The following USP30 variants were observed in gnomAD, a reference collection of about 807,000 sequenced individuals.
The protein encoded by USP30 is ubiquitin carboxyl-terminal hydrolase 30.
Under a neutral mutation model 68.2 loss-of-function variants are expected in USP30, and 41 were observed. The ratio of observed to expected loss-of-function variants is 0.60; its 90% CI spans 0.47 to 0.78. The LOEUF is 0.78. USP30 is among the 30% of genes least tolerant of loss of function. The probability of loss-of-function intolerance (pLI) is 0.00; values close to 1 mark genes in which losing one functional copy is unlikely to be tolerated. For synonymous variants in USP30, 229 were observed against 253.7 expected (o/e 0.90, Z 0.93); for missense variants, 522 against 649.4 (o/e 0.80, Z 2.13).
intron 3 of USP30, among the ~76,000 whole-genome samples, chr12:109,061,475 C>T (rs1024343583): frequency 1.3e-4 from 20 of 151,372 alleles, no homozygotes; most frequent in African/African-American, 4.6e-4. Flanking sequence ...GTGGCACAAC[C>T]TCAGCTCACT....
chr12:109,040,789 G>A (rs977534812), intron 3 of USP30, among the ~76,000 whole-genome samples: 6 of 152,204 alleles, frequency 3.9e-5, no homozygotes, highest in African/African-American at 1.4e-4. Context: ...AGTGTTTCAA[G>A]AAAAAGCAAA....
At position 109,087,885 on chromosome 12, in the gene USP30, G is replaced by A. The variant is rs1203116636; in HGVS notation, c.*1954G>A. ...TCTGATTTCTAGTTTTATTTTCAAA[G>A]TAAGTAGCTTCTTTTGGGAAAAACC... is the stretch of plus-strand genomic sequence containing the variant. On this transcript the variant is annotated 3_prime_UTR_variant, in exon 13 of 13. Coordinates refer to ENST00000257548, the MANE Select transcript of USP30 (RefSeq NM_032663.5). 1.1e-5 allele frequency: 2 copies of A among 178,362 alleles called. No homozygotes were observed. The highest frequency in any genetic ancestry group is 4.7e-5 in the African/African-American group (2 of 42,286). The allele number at this position is 178,362 out of a possible 1,614,324, so 11.0% of individuals were successfully genotyped here. A position where few individuals can be genotyped will look rare whatever the true frequency, so the allele number is the denominator to read the frequency against.
intron 3 of USP30, among the ~76,000 whole-genome samples, chr12:109,040,473 C>T (rs1319086162): frequency 6.6e-6 from 1 of 152,202 alleles, no homozygotes; most frequent in African/African-American, 2.4e-5. Flanking sequence ...AACTTAGCAT[C>T]TTTAAAAAAA....
chr12:109,083,160 A>G lies in USP30; in HGVS notation c.1168+98A>G. The G allele has an allele frequency of 2.4e-6, 3 of 1,232,688 alleles. No homozygotes were observed. The South Asian group carries it at 4.6e-5, about 19-fold the overall frequency. 76.4% of individuals were successfully genotyped at this position (1,232,688 alleles called of 1,614,324 possible). ...CTGGGTCCCTTATGACAGGAGCACAAGGCTTGTACAATGGTGCTTAAACTC... is the reference window on the plus strand; with the variant it reads ...CTGGGTCCCTTATGACAGGAGCACAGGGCTTGTACAATGGTGCTTAAACTC... On this transcript the variant is annotated intron_variant, in intron 11 of 12. Coordinates refer to ENST00000257548, the MANE Select transcript of USP30 (RefSeq NM_032663.5).
chr12:109,028,828 G>A (rs945746080), intron 3 of USP30, among the ~76,000 whole-genome samples: 1 of 152,120 alleles, frequency 6.6e-6, no homozygotes, highest in African/African-American at 2.4e-5. Flanking sequence ...CATCACCACA[G>A]CAATGGTGCT....
chr12:109,072,412 T>TAA (rs1342544349), intron 6 of USP30, 62 bp downstream of exon 6: 2 of 1,545,022 alleles, frequency 1.3e-6, no homozygotes, highest in Non-Finnish European at 1.8e-6. Context: ...TGATAATAAT[T>TAA]TGCTTGTTTT....
chr12:109,046,271 TTTA>T (rs1308607892), intron 3 of USP30, among the ~76,000 whole-genome samples: 1 of 151,606 alleles, frequency 6.6e-6, no homozygotes, highest in Non-Finnish European at 1.5e-5. Flanking sequence ...CTGGCTAATT[TTTA>T]TTATTATTAT....
chr12:109,033,373 C>A (rs1289303426), intron 3 of USP30, among the ~76,000 whole-genome samples: 2 of 152,200 alleles, frequency 1.3e-5, no homozygotes, highest in African/African-American at 4.8e-5. Context: ...TTTGGAGGAG[C>A]TGGCAAATTC....
rs869090869 is a variant in USP30 at position 109,055,400 on chromosome 12, A to ATTTTTTT, written c.84-1268_84-1262dup. On this transcript the variant is annotated intron_variant, in intron 1 of 12. Transcript: ENST00000257548. ...TATACATATATATATATATATATAT[A>ATTTTTTT]TTTTTTTTTTTTTTTTTTTTGAGGC... 2.1e-3 allele frequency among the ~76,000 whole-genome samples: 51 copies of ATTTTTTT among 24,462 alleles called. 3 individuals are homozygous for ATTTTTTT. Among genetic ancestry groups the ATTTTTTT allele is most frequent in the Non-Finnish European group, 3.1e-3 (36 of 11,452 alleles). 16.0% of individuals were successfully genotyped at this position (24,462 alleles called of 152,430 possible).
chr12:109,029,919 T>C (rs558696094), intron 3 of USP30, among the ~76,000 whole-genome samples: 11 of 152,200 alleles, frequency 7.2e-5, no homozygotes, highest in African/African-American at 2.6e-4. Flanking sequence ...CTGAGAAAGT[T>C]CCCCGAGTTC....
chr12:109,071,718 A>G lies in USP30; in HGVS notation c.579+8A>G. On this transcript the variant is annotated splice_region_variant and intron_variant, in intron 5 of 12. Transcript: ENST00000257548. ...GATGTGCATTCCCTGGAGGTAAACCATTAATATTTCCAACACGTTCTGTGC... is the reference window on the plus strand; with the variant it reads ...GATGTGCATTCCCTGGAGGTAAACCGTTAATATTTCCAACACGTTCTGTGC... 3.1e-6 allele frequency: 5 copies of G among 1,613,098 alleles called. No homozygotes were observed. The highest frequency in any genetic ancestry group is 2.2e-5 in the East Asian group (1 of 44,878).
In USP30 at chr12:109,081,390, A is replaced by G. The variant is rs756809351; in HGVS notation, c.777A>G (p.Thr259=). ...TTTCACTAAGTATTCCAGCCGCCAC[A>G]TGGGTATGTACTGATTTATGGTTTA... The part of the protein sequence containing the change: ...DSLSLSIPAA[T]WGHPLTLDHC... Residue 259 remains threonine (T), a synonymous_variant, in exon 8 of 13, where the codon ACA becomes ACG. Transcript: ENST00000257548. 2.5e-6 allele frequency: 4 copies of G among 1,614,060 alleles called. No homozygotes were observed. The South Asian group carries it at 4.4e-5, about 18-fold the overall frequency.
At chr12:109,064,460 T>C (rs1379855339) in intron 3 of USP30, among the ~76,000 whole-genome samples, 1 of 152,136 alleles carries the variant, frequency 6.6e-6, no homozygotes, top group Non-Finnish European at 1.5e-5. Flanking sequence ...TTGCTGTTTT[T>C]AATAGAGTTG....
chr12:109,054,204 T>G (rs1270472900), intron 1 of USP30, among the ~76,000 whole-genome samples: 1 of 152,082 alleles, frequency 6.6e-6, no homozygotes, highest in Non-Finnish European at 1.5e-5. Context: ...AAAAGCACAG[T>G]GATGTATTAA....
At chr12:109,050,769 G>A (rs147781691), upstream of USP30, among the ~76,000 whole-genome samples, 520 of 152,276 alleles carry the variant, frequency 3.4e-3, 23 homozygotes, top group East Asian at 0.089. Flanking sequence ...AACACTTTGG[G>A]AGCCCGAGGC....
At chr12:109,038,372 A>G (rs1025215820) in intron 3 of USP30, among the ~76,000 whole-genome samples, 2 of 152,224 alleles carry the variant, frequency 1.3e-5, no homozygotes, top group South Asian at 2.1e-4. Context: ...TCCATGGTGT[A>G]TATGTACCAC....
intron 3 of USP30, among the ~76,000 whole-genome samples, chr12:109,058,559 C>A (rs547582448): frequency 7.8e-6 from 1 of 128,978 alleles, no homozygotes; most frequent in Admixed American, 8.7e-5. Flanking sequence ...GCAACAAGAG[C>A]GAAACTCCGT....
At chr12:109,057,544 CTTCTG>C (rs1253718193) in intron 2 of USP30, among the ~76,000 whole-genome samples, 2 of 152,150 alleles carry the variant, frequency 1.3e-5, no homozygotes, top group Non-Finnish European at 2.9e-5. Context: ...CAATTGTTTT[CTTCTG>C]TTCTGAGAAA....
At chr12:109,055,713 A>C (rs1298442835) in intron 1 of USP30, among the ~76,000 whole-genome samples, 4 of 150,890 alleles carry the variant, frequency 2.7e-5, no homozygotes, top group African/African-American at 9.7e-5. Flanking sequence ...AATATTATTG[A>C]GAACCTACTA....
Sources: allele counts gnomAD v4.1 joint callset (sites outside exome capture counted in the v4.1 genomes callset), GRCh38; gene constraint gnomAD v4.1.1; transcripts MANE v1.5; gene names NCBI Gene and HGNC (gene_info 2026-07-23, HGNC 2026-07-21).